Variants in PPP3CA observed in about 807,000 individuals in gnomAD.
PPP3CA encodes protein phosphatase 3 catalytic subunit alpha.
PPP3CA carries 14 observed loss-of-function variants against 66.5 expected under a neutral mutation model. The observed-to-expected ratio is 0.21, with a 90% CI of 0.14 to 0.33. The LOEUF is 0.33. PPP3CA is among the 10% of genes least tolerant of loss of function. The probability of loss-of-function intolerance (pLI) is 1.00; values close to 1 mark genes in which losing one functional copy is unlikely to be tolerated. For missense variants in PPP3CA, 317 were observed against 639.5 expected, an observed-to-expected ratio of 0.50 and a Z score of 5.44; for synonymous variants, 232 against 226.2, an observed-to-expected ratio of 1.03 and a Z score of -0.23.
intron 2 of PPP3CA, among the ~76,000 whole-genome samples, chr4:101,117,137 A>C (rs1721860669): frequency 6.6e-6 from 1 of 151,862 alleles, no homozygotes; most frequent in African/African-American, 2.4e-5. Flanking sequence ...AGCCAATGTT[A>C]ATGAGAAACA....
chr4:101,097,095 G>A (rs563684112), intron 5 of PPP3CA, among the ~76,000 whole-genome samples: 1 of 152,174 alleles, frequency 6.6e-6, no homozygotes, highest in East Asian at 1.9e-4. Context: ...AATAAATTCT[G>A]TACACCTTGA....
At chr4:101,221,082 G>A (rs1303521286) in intron 1 of PPP3CA, among the ~76,000 whole-genome samples, 1 of 151,632 alleles carries the variant, frequency 6.6e-6, no homozygotes. Flanking sequence ...GTAAGAGAAA[G>A]ACTTCCAAAT....
At chr4:101,144,838 A>G (rs1722919696) in intron 2 of PPP3CA, among the ~76,000 whole-genome samples, 1 of 152,176 alleles carries the variant, frequency 6.6e-6, no homozygotes, top group Non-Finnish European at 1.5e-5. Context: ...TTCCTATGCC[A>G]CAATCTCTGA....
intron 2 of PPP3CA, among the ~76,000 whole-genome samples, chr4:101,144,520 C>T (rs1402375160): frequency 6.6e-6 from 1 of 152,150 alleles, no homozygotes; most frequent in Non-Finnish European, 1.5e-5. Context: ...GAAGTTACTG[C>T]CTTTTGATCT....
intron 1 of PPP3CA, among the ~76,000 whole-genome samples, chr4:101,200,526 G>A (rs1345477394): frequency 6.6e-6 from 1 of 152,116 alleles, no homozygotes; most frequent in East Asian, 1.9e-4. Context: ...TCTTCCTGGA[G>A]TAGTCCTATA....
At chr4:101,124,760 AAAG>A (rs1722182541) in intron 2 of PPP3CA, among the ~76,000 whole-genome samples, 1 of 127,940 alleles carries the variant, frequency 7.8e-6, no homozygotes, top group Admixed American at 7.4e-5. Context: ...AGAAAGAAAG[AAAG>A]AAAGAAAGAA....
chr4:101,037,583 GT>G (rs142106400), intron 11 of PPP3CA, among the ~76,000 whole-genome samples: 123 of 146,168 alleles, frequency 8.4e-4, no homozygotes, highest in East Asian at 2.4e-3. Context: ...TTCCTAAATG[GT>G]TTTTTTTTTT....
intron 7 of PPP3CA, among the ~76,000 whole-genome samples, chr4:101,081,343 A>G (rs1362342704): frequency 6.6e-6 from 1 of 152,146 alleles, no homozygotes; most frequent in Non-Finnish European, 1.5e-5. Flanking sequence ...CTACAGGTCA[A>G]AGATTATTGT....
chr4:101,339,041 A>G (rs1729725163), intron 1 of PPP3CA, among the ~76,000 whole-genome samples: 1 of 152,230 alleles, frequency 6.6e-6, no homozygotes, highest in Non-Finnish European at 1.5e-5. Context: ...AGGAGACAGC[A>G]GCGTTAGTGC....
chr4:101,330,689 G>C (rs764537788), intron 1 of PPP3CA, among the ~76,000 whole-genome samples: 1 of 151,982 alleles, frequency 6.6e-6, no homozygotes, highest in Non-Finnish European at 1.5e-5. Context: ...TCCAAAATAT[G>C]CCTGTATAAA....
At chr4:101,152,775 C>A (rs1723183738) in intron 2 of PPP3CA, among the ~76,000 whole-genome samples, 1 of 151,816 alleles carries the variant, frequency 6.6e-6, no homozygotes, top group African/African-American at 2.4e-5. Flanking sequence ...ACAGTCCTTG[C>A]AAGAAATAAA....
intron 1 of PPP3CA, among the ~76,000 whole-genome samples, chr4:101,223,693 C>T (rs934087600): frequency 6.6e-6 from 1 of 151,750 alleles, no homozygotes; most frequent in African/African-American, 2.4e-5. Flanking sequence ...TTCCATAAAC[C>T]AAACTAATGC....
intron 1 of PPP3CA, among the ~76,000 whole-genome samples, chr4:101,220,299 G>GT (rs33967695): frequency 0.016 from 2,326 of 147,496 alleles, 44 homozygotes; most frequent in East Asian, 0.055. Flanking sequence ...TTGACAGCAC[G>GT]TTTTTTTTTT....
chr4:101,297,285 C>G (rs1296879463), intron 1 of PPP3CA, among the ~76,000 whole-genome samples: 4 of 152,236 alleles, frequency 2.6e-5, no homozygotes, highest in Non-Finnish European at 5.9e-5. Context: ...TCTCTTCGCA[C>G]TGTGCCTAGC....
chr4:101,202,604 T>C (rs565368264), intron 1 of PPP3CA, among the ~76,000 whole-genome samples: 1 of 152,348 alleles, frequency 6.6e-6, no homozygotes, highest in East Asian at 1.9e-4. Context: ...ACTAGGGTTC[T>C]ACTTACGCTA....
chr4:101,317,514 T>C lies in PPP3CA; in HGVS notation c.58+29225A>G, dbSNP rs558956667. Among the ~76,000 whole-genome samples, 384 of 152,292 alleles carry C rather than the reference T, an allele frequency of 2.5e-3. 1 individual carries two copies. The highest frequency in any genetic ancestry group is 4.2e-3 in the Non-Finnish European group (283 of 68,016). ...CTATGTGTTTTAGTATATTTTATCATTCTTTAAATTTACACAGATTTCCAA... is the reference window on the plus strand; with the variant it reads ...CTATGTGTTTTAGTATATTTTATCACTCTTTAAATTTACACAGATTTCCAA... On this transcript the variant is annotated intron_variant, in intron 1 of 13. Coordinates refer to ENST00000394854, the MANE Select transcript of PPP3CA (RefSeq NM_000944.5).
intron 2 of PPP3CA, among the ~76,000 whole-genome samples, chr4:101,183,476 T>C (rs542877975): frequency 6.6e-6 from 1 of 152,248 alleles, no homozygotes; most frequent in Non-Finnish European, 1.5e-5. Context: ...GAATAGAAAC[T>C]AGACGAATGA....
At chr4:101,105,438 T>G (rs1730621799) in intron 3 of PPP3CA, among the ~76,000 whole-genome samples, 1 of 151,724 alleles carries the variant, frequency 6.6e-6, no homozygotes, top group African/African-American at 2.4e-5. Flanking sequence ...GTGCTGAGAT[T>G]ACAGGTTGAG....
chr4:101,201,618 T>C (rs1427375190), intron 1 of PPP3CA, among the ~76,000 whole-genome samples: 1 of 152,212 alleles, frequency 6.6e-6, no homozygotes, highest in East Asian at 1.9e-4. Context: ...GACACATTTA[T>C]TTCATCCCTC....
Sources: allele counts gnomAD v4.1 joint callset (sites outside exome capture counted in the v4.1 genomes callset), GRCh38; gene constraint gnomAD v4.1.1; transcripts MANE v1.5; gene names NCBI Gene and HGNC (gene_info 2026-07-23, HGNC 2026-07-21).